Variants in FOCAD observed in about 807,000 individuals in gnomAD.
FOCAD encodes the protein focadhesin, also known as KIAA1797.
In FOCAD, 198 loss-of-function variants were observed where a neutral mutation model predicts 225.6. The ratio of observed to expected loss-of-function variants is 0.88; its 90% CI spans 0.78 to 0.99. The LOEUF (loss-of-function observed/expected upper bound fraction) is 0.99, where lower values mean the gene tolerates loss of function less well. Ranked by LOEUF, FOCAD falls within the 50% of genes least tolerant of loss-of-function variation. FOCAD has a pLI of 0.00. For missense variants in FOCAD, 2,713 were observed against 2,123.6 expected (o/e 1.28, Z -5.46); for synonymous variants, 897 against 755.0 (o/e 1.19, Z -3.08).
chr9:20,736,823 G>A (rs1563928655), intron 4 of FOCAD, among the ~76,000 whole-genome samples: 1 of 152,052 alleles, frequency 6.6e-6, no homozygotes, highest in Non-Finnish European at 1.5e-5. Flanking sequence ...TAAGTGACTT[G>A]CCTAAGATTC....
chr9:20,765,392 AGACATTGG>A (rs1009423820), intron 7 of FOCAD, among the ~76,000 whole-genome samples: 21 of 152,244 alleles, frequency 1.4e-4, no homozygotes, highest in Admixed American at 1.0e-3. Context: ...TCTTCTGTGT[AGACATTGG>A]GACAGTAACA....
rs895519091 is a variant in FOCAD, at chr9:20,725,712, A to T, written c.287+5178A>T. ...CACAATTTGAGAAACAGTGGCTTAGAGCGGGTTACATTGTATAGTCTAACT... is the reference window on the plus strand; with the variant it reads ...CACAATTTGAGAAACAGTGGCTTAGTGCGGGTTACATTGTATAGTCTAACT... On this transcript the variant is annotated intron_variant, in intron 4 of 43. Transcript: ENST00000338382. Among the ~76,000 whole-genome samples the T allele has an allele frequency of 3.3e-5, 5 of 152,202 alleles. No individual in the cohort carries two copies. The East Asian group carries it at 9.6e-4, about 29-fold the overall frequency.
At chr9:20,951,546 A>G (rs977674944) in intron 34 of FOCAD, among the ~76,000 whole-genome samples, 5 of 152,148 alleles carry the variant, frequency 3.3e-5, no homozygotes, top group African/African-American at 1.2e-4. Flanking sequence ...TATAGTATTC[A>G]TGTTTCATTA....
At chr9:20,956,989 T>G (rs1838203229) in intron 35 of FOCAD, among the ~76,000 whole-genome samples, 2 of 152,152 alleles carry the variant, frequency 1.3e-5, no homozygotes, top group Non-Finnish European at 1.5e-5. Flanking sequence ...CCACCGTGCC[T>G]GGCCTGTATT....
Position 20,820,362 on chromosome 9 carries a change from T to A in FOCAD, c.1599T>A (p.Leu533=). The change falls in exon 13 of 44, where the codon CTT becomes CTA. Residue 533 remains leucine, a synonymous_variant. Transcript: ENST00000338382. ...IGQILRIIQL[L]GTTPRLRAVT... Reference sequence around the variant, plus strand: ...AAATTCTACGAATAATACAACTACTTGGAACCACACCACGACTAAGAGCTG... The same window carrying A: ...AAATTCTACGAATAATACAACTACTAGGAACCACACCACGACTAAGAGCTG... 1 of 1,612,818 alleles carries A rather than the reference T, an allele frequency of 6.2e-7. No homozygotes were observed. Among genetic ancestry groups the A allele is most frequent in the Non-Finnish European group, 8.5e-7 (1 of 1,179,250 alleles).
At chr9:20,712,722 C>T (rs1028079520) in intron 1 of FOCAD, among the ~76,000 whole-genome samples, 2 of 141,428 alleles carry the variant, frequency 1.4e-5, no homozygotes, top group African/African-American at 5.3e-5. Context: ...ACTCCTTTCT[C>T]CTATATTCTT....
chr9:20,969,341 T>G (rs1197287927), intron 35 of FOCAD, among the ~76,000 whole-genome samples: 1 of 152,142 alleles, frequency 6.6e-6, no homozygotes, highest in Non-Finnish European at 1.5e-5. Flanking sequence ...ATCATACGTC[T>G]AGATATTCTA....
chr9:20,896,385 G>A (rs1024928840), intron 21 of FOCAD, among the ~76,000 whole-genome samples: 9 of 151,868 alleles, frequency 5.9e-5, no homozygotes, highest in Non-Finnish European at 1.3e-4. Flanking sequence ...TAATGAGTTA[G>A]GAAGTATTCT....
chr9:20,797,993 T>G (rs1038332307), intron 11 of FOCAD, among the ~76,000 whole-genome samples: 1 of 152,230 alleles, frequency 6.6e-6, no homozygotes, highest in African/African-American at 2.4e-5. Flanking sequence ...TTGTCATAGA[T>G]AGCTCTTATC....
Position 20,762,979 on chromosome 9 carries a change from C to T in FOCAD, c.495-1890C>T, listed in dbSNP as rs74496844. On this transcript the variant is annotated intron_variant, in intron 6 of 43. Transcript: ENST00000338382. The stretch of plus-strand genomic sequence containing the variant: ...ATTGCACTTTATACCTTTCTTTTGG[C>T]AGTTGTCACTTTCTATCATCTAGTT... 2.4e-3 allele frequency among the ~76,000 whole-genome samples: 361 copies of T among 152,346 alleles called. 2 individuals carry two copies. Among genetic ancestry groups the T allele is most frequent in the African/African-American group, 8.5e-3 (354 of 41,580 alleles).
intron 11 of FOCAD, among the ~76,000 whole-genome samples, chr9:20,812,191 CCT>C (rs1823151288): frequency 6.6e-6 from 1 of 151,850 alleles, no homozygotes; most frequent in Non-Finnish European, 1.5e-5. Flanking sequence ...TGGAGTTTTG[CCT>C]CTCACTTTCA....
At chr9:20,839,560 C>T (rs951821454) in intron 15 of FOCAD, among the ~76,000 whole-genome samples, 2 of 152,020 alleles carry the variant, frequency 1.3e-5, no homozygotes, top group Non-Finnish European at 2.9e-5. Flanking sequence ...TGCAACCAGC[C>T]TGAATTTCTG....
chr9:20,819,753 T>C (rs771198113), intron 11 of FOCAD, 43 bp from the exon 12 acceptor site: 5 of 1,095,430 alleles, frequency 4.6e-6, no homozygotes, highest in Non-Finnish European at 6.5e-6. Flanking sequence ...TATTACTTTT[T>C]TGTAACAAGG....
At chr9:20,808,230 T>C (rs1336328501) in intron 11 of FOCAD, among the ~76,000 whole-genome samples, 3 of 152,188 alleles carry the variant, frequency 2.0e-5, no homozygotes, top group African/African-American at 7.2e-5. Context: ...GTGGCAGAAG[T>C]AGCCAGCCTC....
intron 5 of FOCAD, among the ~76,000 whole-genome samples, chr9:20,755,884 C>A (rs920099389): frequency 1.3e-5 from 2 of 151,882 alleles, no homozygotes; most frequent in Admixed American, 1.3e-4. Flanking sequence ...GATGTCAAAT[C>A]CCTGGCCTCC....
intron 35 of FOCAD, chr9:20,957,658 T>G (rs1175559924): frequency 1.5e-5 from 2 of 131,570 alleles, no homozygotes; most frequent in African/African-American, 5.6e-5. Flanking sequence ...ATAGATAGCA[T>G]AGATATCTCT....
At chr9:20,788,714 C>G (rs1820202740) in intron 10 of FOCAD, among the ~76,000 whole-genome samples, 1 of 152,244 alleles carries the variant, frequency 6.6e-6, no homozygotes, top group Non-Finnish European at 1.5e-5. Flanking sequence ...TGGCTACCCT[C>G]TGGCCCCGAC....
At chr9:20,710,827 G>A (rs1019704595) in intron 1 of FOCAD, among the ~76,000 whole-genome samples, 1 of 152,088 alleles carries the variant, frequency 6.6e-6, no homozygotes, top group Non-Finnish European at 1.5e-5. Flanking sequence ...GGAGCACAGG[G>A]CCAAATTTGA....
At chr9:20,798,877 T>C (rs1331856795) in intron 11 of FOCAD, among the ~76,000 whole-genome samples, 4 of 152,228 alleles carry the variant, frequency 2.6e-5, no homozygotes, top group Non-Finnish European at 5.9e-5. Flanking sequence ...TAGTTATTTC[T>C]TGCCTTTGCT....
Sources: allele counts gnomAD v4.1 joint callset (sites outside exome capture counted in the v4.1 genomes callset), GRCh38; gene constraint gnomAD v4.1.1; transcripts MANE v1.5; gene names NCBI Gene and HGNC (gene_info 2026-07-23, HGNC 2026-07-21).